Variants in ATP2B2 observed in about 807,000 individuals in gnomAD.
ATP2B2 encodes the protein ATPase plasma membrane Ca2+ transporting 2, also known as plasma membrane calcium-transporting ATPase 2.
A neutral mutation model predicts 120.0 loss-of-function variants in ATP2B2; 15 were observed. That is an observed-to-expected ratio of 0.12 (90% CI 0.08 to 0.19). The LOEUF (loss-of-function observed/expected upper bound fraction) is 0.19. Among genes scored for constraint, ATP2B2 ranks in the 10% least tolerant of loss-of-function variants. The probability of loss-of-function intolerance (pLI) is 1.00; values close to 1 mark genes in which losing one functional copy is unlikely to be tolerated. For missense variants in ATP2B2, 1,045 were observed against 1,719.8 expected (o/e 0.61, Z 6.94); for synonymous variants, 694 against 700.3 (o/e 0.99, Z 0.14).
intron 2 of ATP2B2, among the ~76,000 whole-genome samples, chr3:10,431,780 C>T (rs756746757): frequency 3.3e-5 from 5 of 151,792 alleles, no homozygotes; most frequent in East Asian, 1.9e-4. Flanking sequence ...CAGTGTCTGG[C>T]GCTTGGTAGG....
rs553541529 is a variant in ATP2B2 at position 10,486,313 on chromosome 3, G to A, written c.-320+19152C>T. On this transcript the variant is annotated intron_variant, in intron 1 of 22. Coordinates refer to ENST00000360273, the MANE Select transcript of ATP2B2 (RefSeq NM_001001331.4). ...TCTGTTTTTCAAACAGCAGCCAGGT[G>A]TGTGTGCGTGCGTGTGTGTGTGTGT... is the stretch of plus-strand genomic sequence containing the variant. Among the ~76,000 whole-genome samples, 23 of 118,616 alleles carry A rather than the reference G, an allele frequency of 1.9e-4. 1 individual carries two copies. In the East Asian group the frequency reaches 5.5e-3, roughly 29 times the overall value. The allele number at this position is 118,616 out of a possible 152,430, so 77.8% of individuals were successfully genotyped here. A position where few individuals can be genotyped will look rare whatever the true frequency, so the allele number is the denominator to read the frequency against.
intron 2 of ATP2B2, among the ~76,000 whole-genome samples, chr3:10,593,077 C>A (rs571468110): frequency 6.6e-6 from 1 of 152,238 alleles, no homozygotes; most frequent in Non-Finnish European, 1.5e-5. Context: ...TGAACCACCA[C>A]GCCCAGCCCA....
chr3:10,492,523 TC>T (rs1196279491), intron 1 of ATP2B2, among the ~76,000 whole-genome samples: 1 of 152,148 alleles, frequency 6.6e-6, no homozygotes, highest in African/African-American at 2.4e-5. Context: ...TTCTCTGGCC[TC>T]CCTCCATGGC....
At chr3:10,634,047 C>T (rs892610) in intron 1 of ATP2B2, among the ~76,000 whole-genome samples, 32,661 of 152,112 alleles carry the variant, frequency 0.21, 5,811 homozygotes, top group African/African-American at 0.48. Context: ...TTCCTTGCCG[C>T]CTTTCTGCCT....
At position 10,350,403 on chromosome 3, in the gene ATP2B2, C is replaced by T. The variant is rs1195731524; in HGVS notation, c.2311G>A (p.Gly771Arg). ...EFNRRIRNEK[G>R]EIEQERIDKI... Reference sequence around the variant, plus strand: ...CTTTACGTTGGGACACGCACCTCCCCCTTCTCGTTGCGGATCCTCCTGTTG... The same window carrying T: ...CTTTACGTTGGGACACGCACCTCCCTCTTCTCGTTGCGGATCCTCCTGTTG... The change falls in exon 15 of 23, where the codon GGG (glycine) becomes AGG (arginine). Residue 771 changes from glycine (G) to arginine (R), a missense_variant. Around this residue, in one of 11 missense-constraint regions of ATP2B2, gnomAD observed 343 missense variants for 536.8 expected, o/e 0.64. Transcript: ENST00000360273. The T allele has an allele frequency of 1.9e-6, 3 of 1,614,120 alleles. No homozygotes were observed. The highest frequency in any genetic ancestry group is 2.5e-6 in the Non-Finnish European group (3 of 1,180,044).
chr3:10,385,331 C>A lies in ATP2B2; in HGVS notation c.941-4G>T. 1 of 1,613,568 alleles carries A rather than the reference C, an allele frequency of 6.2e-7. No individual in the cohort carries two copies. The highest frequency in any genetic ancestry group is 8.5e-7 in the Non-Finnish European group (1 of 1,179,944). On this transcript the variant is annotated splice_region_variant and splice_polypyrimidine_tract_variant and intron_variant, in intron 7 of 22. Transcript: ENST00000360273. ...GAAGCTGCCGCACCGTCTGCTGCTG[C>A]AGGGGGGTGGGAGGGATGGAAAATG...
At chr3:10,565,304 A>G (rs1464517127) in intron 2 of ATP2B2, among the ~76,000 whole-genome samples, 2 of 152,142 alleles carry the variant, frequency 1.3e-5, no homozygotes, top group Non-Finnish European at 2.9e-5. Context: ...AATACATTCT[A>G]TGAAGGAAGC....
intron 1 of ATP2B2, among the ~76,000 whole-genome samples, chr3:10,657,129 C>T (rs533645670): frequency 1.5e-4 from 23 of 152,308 alleles, no homozygotes; most frequent in African/African-American, 5.5e-4. Context: ...ACATCTTTGG[C>T]TGCTTCTGTT....
In ATP2B2 at chr3:10,356,053, C is replaced by T. The variant is rs1320447725; in HGVS notation, c.2136+2638G>A. Among the ~76,000 whole-genome samples the T allele has an allele frequency of 1.8e-4, 14 of 77,746 alleles. 4 individuals are homozygous for T. Among genetic ancestry groups the T allele is most frequent in the Admixed American group, 3.9e-4 (2 of 5,112 alleles). 51.0% of individuals were successfully genotyped at this position (77,746 alleles called of 152,430 possible). A position where few individuals can be genotyped will look rare whatever the true frequency, so the allele number is the denominator to read the frequency against. On this transcript the variant is annotated intron_variant, in intron 14 of 22. Coordinates refer to ENST00000360273, the MANE Select transcript of ATP2B2 (RefSeq NM_001001331.4). ...TCGCGCCACTGCACTCCAGCCTGGG[C>T]GACAGAGCGAGACTCCGTCTCAAAA...
rs2065437604 is a variant in ATP2B2 at position 10,482,091 on chromosome 3, C to T, written c.-320+23374G>A. 3.3e-5 allele frequency among the ~76,000 whole-genome samples: 5 copies of T among 152,190 alleles called. 1 individual carries two copies. The South Asian group carries it at 1.0e-3, about 32-fold the overall frequency. On this transcript the variant is annotated intron_variant, in intron 1 of 22. Transcript: ENST00000360273. ...AGTCCCCCTAGACTGCTTTCATTTG[C>T]TGTAAAATCCCACTGCCCAGCTCAG...
intron 3 of ATP2B2, among the ~76,000 whole-genome samples, chr3:10,406,460 T>C (rs943165591): frequency 6.6e-6 from 1 of 152,248 alleles, no homozygotes; most frequent in African/African-American, 2.4e-5. Context: ...ATTATAATAC[T>C]GCATTTCTAC....
intron 1 of ATP2B2, among the ~76,000 whole-genome samples, chr3:10,707,518 C>T (rs1365371880): frequency 6.6e-6 from 1 of 152,184 alleles, no homozygotes; most frequent in Non-Finnish European, 1.5e-5. Context: ...TGAGGAGAAG[C>T]CAGGTGGGGA....
chr3:10,681,303 G>A (rs77216480), intron 1 of ATP2B2, among the ~76,000 whole-genome samples: 2,914 of 152,310 alleles, frequency 0.019, 73 homozygotes, highest in East Asian at 0.083. Context: ...CTTGGGGGTG[G>A]TGGAGGCCTG....
intron 2 of ATP2B2, among the ~76,000 whole-genome samples, chr3:10,604,247 A>T (rs1248552906): frequency 6.6e-6 from 1 of 151,842 alleles, no homozygotes; most frequent in Non-Finnish European, 1.5e-5. Context: ...GGTCACCATC[A>T]CCTTCTGCCT....
At chr3:10,437,613 T>A (rs2063519120) in intron 2 of ATP2B2, among the ~76,000 whole-genome samples, 1 of 152,244 alleles carries the variant, frequency 6.6e-6, no homozygotes, top group African/African-American at 2.4e-5. Flanking sequence ...CCGCTTGCTG[T>A]CCTGTTCATG....
intron 1 of ATP2B2, among the ~76,000 whole-genome samples, chr3:10,644,577 C>T (rs2070268184): frequency 6.6e-6 from 1 of 152,106 alleles, no homozygotes; most frequent in Non-Finnish European, 1.5e-5. Context: ...TATTATTCGA[C>T]CATGAAAAGG....
intron 3 of ATP2B2, among the ~76,000 whole-genome samples, chr3:10,510,687 A>G (rs972689830): frequency 3.3e-5 from 5 of 152,336 alleles, no homozygotes; most frequent in African/African-American, 9.6e-5. Context: ...TGTGGAAACA[A>G]TGAGGGATCT....
intron 2 of ATP2B2, among the ~76,000 whole-genome samples, chr3:10,603,675 G>A (rs2125595521): frequency 6.6e-6 from 1 of 152,162 alleles, no homozygotes; most frequent in African/African-American, 2.4e-5. Flanking sequence ...TCTACCCTCT[G>A]TTCCTCCTCC....
intron 12 of ATP2B2, among the ~76,000 whole-genome samples, chr3:10,370,072 C>T (rs2061180245): frequency 6.6e-6 from 1 of 152,180 alleles, no homozygotes; most frequent in Non-Finnish European, 1.5e-5. Flanking sequence ...ACCGACTGAC[C>T]CCTGTCCTTT....
Sources: gnomAD v4.1 joint callset for allele counts (sites outside exome capture counted in the v4.1 genomes callset) on GRCh38, gnomAD v4.1.1 for gene constraint, gnomAD v4.1.1 regional missense constraint, MANE v1.5 for transcripts, NCBI Gene and HGNC (gene_info 2026-07-23, HGNC 2026-07-21) for gene names.